Variants in CYB5A observed in about 807,000 individuals in gnomAD.
CYB5A encodes cytochrome b5.
In CYB5A, 10 loss-of-function variants were observed where a neutral mutation model predicts 16.2. The observed-to-expected ratio is 0.62, with a 90% CI of 0.38 to 1.04. The LOEUF (loss-of-function observed/expected upper bound fraction) is 1.04, where lower values mean the gene tolerates loss of function less well. CYB5A is among the 50% of genes least tolerant of loss of function. The probability of loss-of-function intolerance (pLI) is 0.01; values close to 1 mark genes in which losing one functional copy is unlikely to be tolerated. For synonymous variants in CYB5A, 62 were observed against 57.0 expected (o/e 1.09, Z -0.40); for missense variants, 161 against 165.9 (o/e 0.97, Z 0.16).
intron 1 of CYB5A, among the ~76,000 whole-genome samples, chr18:74,283,247 G>C (rs1281343317): frequency 6.6e-6 from 1 of 152,106 alleles, no homozygotes; most frequent in Admixed American, 6.6e-5. Flanking sequence ...GAACCTCCTC[G>C]GATTTCCATT....
intron 1 of CYB5A, among the ~76,000 whole-genome samples, chr18:74,283,189 G>T (rs1983184764): frequency 6.6e-6 from 1 of 152,154 alleles, no homozygotes; most frequent in African/African-American, 2.4e-5. Flanking sequence ...GACCCGGAAG[G>T]GGAGGGCGAG....
At chr18:74,268,869 C>A (rs1299367849) in intron 1 of CYB5A, among the ~76,000 whole-genome samples, 1 of 152,170 alleles carries the variant, frequency 6.6e-6, no homozygotes, top group African/African-American at 2.4e-5. Flanking sequence ...TATCTTGTAG[C>A]TCCTAATGCC....
chr18:74,262,455 CA>C (rs5826311), intron 2 of CYB5A, among the ~76,000 whole-genome samples: 10 of 132,194 alleles, frequency 7.6e-5, no homozygotes, highest in Admixed American at 1.5e-4. Context: ...GACTCTGTCT[CA>C]AAAAAAAAAA....
chr18:74,271,409 G>A (rs1157710474), intron 1 of CYB5A, among the ~76,000 whole-genome samples: 1 of 152,150 alleles, frequency 6.6e-6, no homozygotes, highest in Non-Finnish European at 1.5e-5. Flanking sequence ...GAATGAACGA[G>A]CCCCATAGCT....
intron 4 of CYB5A, among the ~76,000 whole-genome samples, chr18:74,254,977 A>T (rs1318402191): frequency 6.6e-6 from 1 of 152,220 alleles, no homozygotes; most frequent in African/African-American, 2.4e-5. Flanking sequence ...TAAGGATTAC[A>T]AGTGAAACTT....
At chr18:74,264,277 T>C (rs887903706) in intron 1 of CYB5A, among the ~76,000 whole-genome samples, 2 of 152,008 alleles carry the variant, frequency 1.3e-5, no homozygotes, top group African/African-American at 2.4e-5. Context: ...TGCTTCCCCA[T>C]GTCACTCATA....
At position 74,263,271 on chromosome 18, in the gene CYB5A, A is replaced by G. The variant is rs577556805; in HGVS notation, c.258+78T>C. Reference sequence around the variant, plus strand: ...TTTACTCCTTTTAAAATGTGTATACATGCAAGCTTACAGACTAGGGTAAGG... The same window carrying G: ...TTTACTCCTTTTAAAATGTGTATACGTGCAAGCTTACAGACTAGGGTAAGG... On this transcript the variant is annotated intron_variant, in intron 2 of 4. Transcript: ENST00000340533. 1.4e-5 allele frequency: 23 copies of G among 1,588,346 alleles called. No homozygotes were observed. In the East Asian group the frequency reaches 2.9e-4, roughly 20 times the overall value.
At chr18:74,265,303 C>T (rs1000025365) in intron 1 of CYB5A, among the ~76,000 whole-genome samples, 5 of 152,090 alleles carry the variant, frequency 3.3e-5, no homozygotes, top group African/African-American at 9.7e-5. Flanking sequence ...CATCTTGCCT[C>T]CAGAGAGCCA....
chr18:74,263,473 G>C lies in CYB5A; in HGVS notation c.134C>G (p.Pro45Arg). The C allele has an allele frequency of 6.2e-7, 1 of 1,614,058 alleles. No individual in the cohort carries two copies. The highest frequency in any genetic ancestry group is 8.5e-7 in the Non-Finnish European group (1 of 1,179,998). ...YDLTKFLEEH[P>R]GGEEVLREQA... ...TTCCCTTAAAACTTCTTCCCCACCA[G>C]GATGCTGTTCAAAGGAGAGGTAGAA... Residue 45 changes from proline to arginine, a missense_variant, in exon 2 of 5, where the codon CCT becomes CGT. Transcript: ENST00000340533.
chr18:74,267,243 G>A (rs1037630749), intron 1 of CYB5A, among the ~76,000 whole-genome samples: 1 of 151,592 alleles, frequency 6.6e-6, no homozygotes, highest in Non-Finnish European at 1.5e-5. Flanking sequence ...TGCAACCTCC[G>A]CCTCCCAGGT....
rs764208370 is a variant in CYB5A at position 74,291,760 on chromosome 18, T to C, written c.116A>G (p.Lys39Arg). ...ILHHKVYDLT[K>R]FLEEHPGGEE... ...TCCCCAACTCACCTCTTCCAGAAAT[T>C]TGGTCAAATCGTACACCTTGTGGTG... Residue 39 changes from lysine to arginine, a missense_variant, in exon 1 of 5, where the codon AAA becomes AGA. By Grantham distance (26) the Lys-to-Arg change is conservative. Coordinates refer to ENST00000340533, the MANE Select transcript of CYB5A (RefSeq NM_148923.4). 4.3e-6 allele frequency: 7 copies of C among 1,613,730 alleles called. No individual in the cohort carries two copies. Among genetic ancestry groups the C allele is most frequent in the Non-Finnish European group, 5.9e-6 (7 of 1,179,798 alleles).
At chr18:74,268,294 C>T (rs1295453669) in intron 1 of CYB5A, among the ~76,000 whole-genome samples, 30 of 152,174 alleles carry the variant, frequency 2.0e-4, no homozygotes, top group Admixed American at 2.0e-3. Flanking sequence ...CCCTGCTGAG[C>T]TGTACCACAA....
rs1981830844 is a variant in CYB5A at position 74,253,222 on chromosome 18, T to C, written c.*362A>G. On this transcript the variant is annotated 3_prime_UTR_variant, in exon 5 of 5. Coordinates refer to ENST00000340533, the MANE Select transcript of CYB5A (RefSeq NM_148923.4). ...TCTGTGGGTCTGGATGAGTAACACA[T>C]TGAAGGAATCCTCTAAATAACCAGA... 6 of 319,172 alleles carry C rather than the reference T, an allele frequency of 1.9e-5. No individual in the cohort carries two copies. The highest frequency in any genetic ancestry group is 1.3e-4 in the South Asian group (5 of 37,778). 19.8% of individuals were successfully genotyped at this position (319,172 alleles called of 1,614,324 possible). A position where few individuals can be genotyped will look rare whatever the true frequency, so the allele number is the denominator to read the frequency against.
chr18:74,285,731 C>T (rs1301718622), intron 1 of CYB5A, among the ~76,000 whole-genome samples: 1 of 151,296 alleles, frequency 6.6e-6, no homozygotes, highest in African/African-American at 2.4e-5. Context: ...CATGGTGGCT[C>T]ATGCCTGTGG....
Position 74,257,061 on chromosome 18 carries a change from G to A in CYB5A, c.289-1286C>T. The A allele has an allele frequency of 5.4e-6, 3 of 558,920 alleles. No homozygotes were observed. The South Asian group carries it at 7.5e-5, about 14-fold the overall frequency. 34.6% of individuals were successfully genotyped at this position (558,920 alleles called of 1,614,324 possible). On this transcript the variant is annotated intron_variant, in intron 3 of 4. Coordinates refer to ENST00000340533, the MANE Select transcript of CYB5A (RefSeq NM_148923.4). ...CAAAAATATTAGTTAGCTATTAGAG[G>A]ACACAATCAGTTCTGAAACAAAAGA...
intron 2 of CYB5A, chr18:74,261,624 C>G (rs1363948888): frequency 2.0e-5 from 3 of 152,868 alleles, no homozygotes; most frequent in Non-Finnish European, 4.4e-5. Flanking sequence ...GAAGCTTACT[C>G]CCTCAAAGTA....
At chr18:74,263,499 T>C (rs2032262) in intron 1 of CYB5A, 22 bp from the exon 2 acceptor site, 1,581,770 of 1,612,998 alleles carry the variant, frequency 0.98, 776,865 homozygotes, top group East Asian at 1. Flanking sequence ...AGAGGTAGAA[T>C]AAAAATTTTT....
intron 1 of CYB5A, among the ~76,000 whole-genome samples, chr18:74,266,188 A>G (rs1342530160): frequency 6.6e-6 from 1 of 152,262 alleles, no homozygotes; most frequent in Non-Finnish European, 1.5e-5. Context: ...CCAAGGCTGC[A>G]GCAATAAAAA....
chr18:74,286,869 T>G (rs1403450645), intron 1 of CYB5A, among the ~76,000 whole-genome samples: 1 of 152,246 alleles, frequency 6.6e-6, no homozygotes, highest in Non-Finnish European at 1.5e-5. Context: ...ATTTACAATT[T>G]TCATCAACCT....
Sources: allele counts gnomAD v4.1 joint callset (sites outside exome capture counted in the v4.1 genomes callset), GRCh38; gene constraint gnomAD v4.1.1; transcripts MANE v1.5; gene names NCBI Gene and HGNC (gene_info 2026-07-23, HGNC 2026-07-21).